Variants in TRAPPC9 observed in about 807,000 individuals in gnomAD.
TRAPPC9 encodes the protein IKK2 binding protein.
A neutral mutation model predicts 124.0 loss-of-function variants in TRAPPC9; 83 were observed. The ratio of observed to expected loss-of-function variants is 0.67; its 90% CI spans 0.56 to 0.80. TRAPPC9 has a LOEUF of 0.80. TRAPPC9 is among the 30% of genes least tolerant of loss of function. The probability of loss-of-function intolerance (pLI) is 0.00; values close to 1 mark genes in which losing one functional copy is unlikely to be tolerated. For synonymous variants in TRAPPC9, 638 were observed against 617.5 expected (o/e 1.03, Z -0.49); for missense variants, 1,302 against 1,508.3 (o/e 0.86, Z 2.27).
intron 21 of TRAPPC9, among the ~76,000 whole-genome samples, chr8:139,799,105 T>G (rs943861230): frequency 1.3e-5 from 2 of 152,180 alleles, no homozygotes; most frequent in African/African-American, 4.8e-5. Flanking sequence ...AAATCTCATG[T>G]TGAGTTTGTA....
chr8:139,764,193 C>T (rs952640104), intron 21 of TRAPPC9, among the ~76,000 whole-genome samples: 4 of 152,016 alleles, frequency 2.6e-5, no homozygotes, highest in African/African-American at 9.7e-5. Flanking sequence ...GAGCTGCAGC[C>T]TGGGGTGGGT....
chr8:139,830,266 CAT>C (rs1461553386), intron 21 of TRAPPC9, among the ~76,000 whole-genome samples: 2 of 149,572 alleles, frequency 1.3e-5, no homozygotes, highest in African/African-American at 5.0e-5. Flanking sequence ...CACACACATG[CAT>C]ACACACACAA....
intron 18 of TRAPPC9, among the ~76,000 whole-genome samples, chr8:140,008,892 G>A (rs774515330): frequency 1.3e-5 from 2 of 152,242 alleles, no homozygotes; most frequent in East Asian, 3.9e-4. Context: ...AGTAGGAAAG[G>A]CTGGGTATAG....
chr8:140,251,340 C>T (rs1588015258), intron 16 of TRAPPC9, among the ~76,000 whole-genome samples: 1 of 152,200 alleles, frequency 6.6e-6, no homozygotes, highest in Non-Finnish European at 1.5e-5. Flanking sequence ...AGAAAAAATG[C>T]AGTTCAGCGG....
At chr8:139,892,470 G>A (rs1830412426) in intron 20 of TRAPPC9, among the ~76,000 whole-genome samples, 1 of 152,208 alleles carries the variant, frequency 6.6e-6, no homozygotes. Flanking sequence ...GCCCCACTAG[G>A]ATAAAGAGAC....
intron 5 of TRAPPC9, among the ~76,000 whole-genome samples, chr8:140,413,731 A>G (rs565091484): frequency 1.4e-5 from 2 of 140,808 alleles, no homozygotes; most frequent in Non-Finnish European, 3.0e-5. Flanking sequence ...TCATTGTTCA[A>G]TTCCCACCTA....
At chr8:140,239,586 C>T (rs775484537) in intron 16 of TRAPPC9, among the ~76,000 whole-genome samples, 1 of 152,138 alleles carries the variant, frequency 6.6e-6, no homozygotes, top group Non-Finnish European at 1.5e-5. Context: ...GCACGGAGGC[C>T]GCATCCACCT....
rs187687452 is a variant in TRAPPC9, at chr8:139,980,093, C to T, written c.2810+8633G>A. 6.5e-3 allele frequency among the ~76,000 whole-genome samples: 989 copies of T among 152,198 alleles called. 1 individual carries two copies. Among genetic ancestry groups the T allele is most frequent in the Non-Finnish European group, 0.01 (701 of 68,012 alleles). On this transcript the variant is annotated intron_variant, in intron 19 of 22. Coordinates refer to ENST00000438773, the MANE Select transcript of TRAPPC9 (RefSeq NM_001160372.4). ...CCTCACTTCCAAGACCCCAGGTGTCCCCTTCTCAAATGGCTGTGGCAGCTC... is the reference window on the plus strand; with the variant it reads ...CCTCACTTCCAAGACCCCAGGTGTCTCCTTCTCAAATGGCTGTGGCAGCTC...
chr8:139,921,927 G>A (rs1213020245), intron 19 of TRAPPC9, among the ~76,000 whole-genome samples: 2 of 133,798 alleles, frequency 1.5e-5, no homozygotes, highest in East Asian at 2.2e-4. Flanking sequence ...CTCAACCCCC[G>A]CCCCCAACAC....
In TRAPPC9 at chr8:140,241,065, T is replaced by C. The variant is rs1044997307; in HGVS notation, c.2431+11712A>G. 6.6e-6 allele frequency among the ~76,000 whole-genome samples: 1 copy of C among 152,164 alleles called. No homozygotes were observed. Among genetic ancestry groups the C allele is most frequent in the African/African-American group, 2.4e-5 (1 of 41,448 alleles). ...AGGGCCACCCTGTCACCTGCATCCC[T>C]GCTGGTGGCATCCAGCTCATCTTTA... On this transcript the variant is annotated intron_variant, in intron 16 of 22. Coordinates refer to ENST00000438773, the MANE Select transcript of TRAPPC9 (RefSeq NM_001160372.4). This position sits in a 1 kb window ranked among gnomAD's most constrained non-coding sequence, Gnocchi z 5.0.
intron 17 of TRAPPC9, among the ~76,000 whole-genome samples, chr8:140,203,456 G>T (rs1355550873): frequency 6.6e-6 from 1 of 152,174 alleles, no homozygotes; most frequent in Non-Finnish European, 1.5e-5. Flanking sequence ...AAAAGTCCCT[G>T]TGTCCTAACA....
intron 17 of TRAPPC9, among the ~76,000 whole-genome samples, chr8:140,198,466 T>C (rs1465406499): frequency 6.6e-6 from 1 of 151,908 alleles, no homozygotes; most frequent in African/African-American, 2.4e-5. Flanking sequence ...GCTTGTCTGA[T>C]CTTGCGGCCC....
At chr8:140,220,096 T>C (rs757795887) in intron 17 of TRAPPC9, among the ~76,000 whole-genome samples, 1 of 152,064 alleles carries the variant, frequency 6.6e-6, no homozygotes, top group Non-Finnish European at 1.5e-5. Context: ...CGTCACACAC[T>C]GAGGAAAACA....
intron 19 of TRAPPC9, among the ~76,000 whole-genome samples, chr8:139,936,964 G>A (rs1833572624): frequency 1.3e-5 from 1 of 79,284 alleles, no homozygotes; most frequent in South Asian, 6.4e-4. Context: ...GAGAGTGGGC[G>A]AGTGGGCACT....
chr8:140,292,546 T>C (rs1367347768), intron 11 of TRAPPC9, among the ~76,000 whole-genome samples: 3 of 152,196 alleles, frequency 2.0e-5, no homozygotes, highest in Non-Finnish European at 4.4e-5. Flanking sequence ...CTCTGCAACC[T>C]GCACAGAGAT....
intron 19 of TRAPPC9, among the ~76,000 whole-genome samples, chr8:139,910,921 T>G (rs936408425): frequency 2.0e-5 from 3 of 152,174 alleles, no homozygotes; most frequent in African/African-American, 7.2e-5. Context: ...AGATGAGACT[T>G]TGGACTGTGG....
chr8:140,443,788 G>A lies in TRAPPC9; in HGVS notation c.585-4591C>T, dbSNP rs527992042. 1.2e-4 allele frequency among the ~76,000 whole-genome samples: 18 copies of A among 152,098 alleles called. No homozygotes were observed. In the East Asian group the frequency reaches 2.7e-3, roughly 23 times the overall value. On this transcript the variant is annotated intron_variant, in intron 2 of 22. Coordinates refer to ENST00000438773, the MANE Select transcript of TRAPPC9 (RefSeq NM_001160372.4). ...ATGGTGGCTCACGCCTGTAATACCA[G>A]CATTCTGGGAGGCCGAGGCGGGCAG...
At chr8:140,084,225 C>A (rs1220006814) in intron 17 of TRAPPC9, among the ~76,000 whole-genome samples, 1 of 152,134 alleles carries the variant, frequency 6.6e-6, no homozygotes, top group Admixed American at 6.5e-5. Flanking sequence ...AACATTCTTA[C>A]AATTTTAGCA....
chr8:140,374,066 T>C (rs1045484789), intron 7 of TRAPPC9, among the ~76,000 whole-genome samples: 1 of 152,254 alleles, frequency 6.6e-6, no homozygotes, highest in African/African-American at 2.4e-5. Context: ...GCCTTCTATG[T>C]CCTCATCTGA....
Sources: allele counts gnomAD v4.1 joint callset (sites outside exome capture counted in the v4.1 genomes callset), GRCh38; gene constraint gnomAD v4.1.1; non-coding constraint Gnocchi (gnomAD v3.1); transcripts MANE v1.5; gene names NCBI Gene and HGNC (gene_info 2026-07-23, HGNC 2026-07-21).